NPAS2: variants seen among roughly 807,000 people sequenced by gnomAD.
NPAS2 encodes the protein neuronal PAS domain-containing protein 2.
A neutral mutation model predicts 107.5 loss-of-function variants in NPAS2; 23 were observed. The ratio of observed to expected loss-of-function variants is 0.21; its 90% confidence interval spans 0.15 to 0.30. NPAS2 has a LOEUF of 0.30. Among genes scored for constraint, NPAS2 ranks in the 10% least tolerant of loss-of-function variants. The probability of loss-of-function intolerance (pLI) is 1.00; values close to 1 mark genes in which losing one functional copy is unlikely to be tolerated. For missense variants in NPAS2, 756 were observed against 1,043.3 expected (o/e 0.72, Z 3.79); for synonymous variants, 403 against 417.5 (o/e 0.97, Z 0.42).
At chr2:100,990,470 G>A (rs750874302) in intron 18 of NPAS2, 24 bp downstream of exon 18, 2 of 1,610,836 alleles carry the variant, frequency 1.2e-6, no homozygotes, top group South Asian at 2.2e-5. Context: ...CTTGTTTAAA[G>A]GATAACCCAG....
At chr2:100,983,096 T>C (rs1278353427) in intron 16 of NPAS2, 2 of 152,280 alleles carry the variant, frequency 1.3e-5, no homozygotes, top group African/African-American at 4.8e-5. Context: ...TGCCTGATTC[T>C]GACCCAGCCT....
intron 1 of NPAS2, among the ~76,000 whole-genome samples, chr2:100,868,664 G>T (rs1679387520): frequency 6.6e-6 from 1 of 152,078 alleles, no homozygotes; most frequent in Non-Finnish European, 1.5e-5. Context: ...TATATTTTCT[G>T]TCTTTTGTCT....
chr2:100,964,790 C>T (rs1439033662), intron 8 of NPAS2, 71 bp from the exon 9 acceptor site: 2 of 893,460 alleles, frequency 2.2e-6, no homozygotes, highest in Non-Finnish European at 3.5e-6. Flanking sequence ...ACCACGCGTT[C>T]CTCTTGAACA....
intron 1 of NPAS2, among the ~76,000 whole-genome samples, chr2:100,869,463 C>G (rs182775374): frequency 6.6e-6 from 1 of 152,318 alleles, no homozygotes; most frequent in Admixed American, 6.5e-5. Flanking sequence ...TGTTCTGCTA[C>G]ACACCTGCAG....
At chr2:100,874,920 G>A (rs770471110) in intron 1 of NPAS2, among the ~76,000 whole-genome samples, 3 of 152,134 alleles carry the variant, frequency 2.0e-5, no homozygotes, top group Non-Finnish European at 2.9e-5. Context: ...CCAAGGAGAC[G>A]GATGGGCCCC....
intron 1 of NPAS2, among the ~76,000 whole-genome samples, chr2:100,856,094 C>T (rs1558812294): frequency 1.3e-5 from 2 of 152,144 alleles, no homozygotes. Flanking sequence ...AATTAAGGAG[C>T]TTTGTCTAAA....
intron 7 of NPAS2, among the ~76,000 whole-genome samples, chr2:100,955,032 G>A (rs1052686826): frequency 2.0e-5 from 3 of 152,010 alleles, no homozygotes; most frequent in South Asian, 2.1e-4. Flanking sequence ...CATGTGCCGC[G>A]ATGCCTGGCT....
chr2:100,912,720 G>A (rs1384626975), intron 2 of NPAS2, among the ~76,000 whole-genome samples: 3 of 152,232 alleles, frequency 2.0e-5, no homozygotes, highest in East Asian at 1.9e-4. Context: ...TGCATTCAAG[G>A]GCGAATGTCA....
intron 1 of NPAS2, among the ~76,000 whole-genome samples, chr2:100,886,356 A>G (rs1047463255): frequency 4.6e-5 from 7 of 152,258 alleles, no homozygotes; most frequent in Non-Finnish European, 8.8e-5. Flanking sequence ...TGCACATAAA[A>G]GGACTTGCTC....
At position 100,990,256 on chromosome 2, in the gene NPAS2, G is replaced by A. The variant is rs1273793102; in HGVS notation, c.1828G>A (p.Gly610Ser). ...CTTTCTCATTGAAATGATGCTCCAG[G>A]GTCCAAAGCCAATGAGAAGCTCACA... ...LRESSVISTQ[G>S]PKPMRSSQLM... The change falls in exon 18 of 21, where the codon GGT (glycine) becomes AGT (serine). Residue 610 changes from glycine (G) to serine (S), a missense_variant and splice_region_variant. By Grantham distance (56) the Gly-to-Ser change is moderately conservative. Transcript: ENST00000335681. 2 of 1,613,662 alleles carry A rather than the reference G, an allele frequency of 1.2e-6. No homozygotes were observed. The highest frequency in any genetic ancestry group is 3.3e-5 in the Admixed American group (2 of 60,008).
chr2:100,932,780 C>T, intron 3 of NPAS2, 130 bp from the exon 4 acceptor site: 1 of 656,438 alleles, frequency 1.5e-6, no homozygotes, highest in Non-Finnish European at 2.7e-6. Context: ...ATATTTCCTT[C>T]TGCTGGCTTC....
intron 1 of NPAS2, among the ~76,000 whole-genome samples, chr2:100,876,573 A>G (rs1004282008): frequency 5.3e-5 from 8 of 152,220 alleles, no homozygotes; most frequent in South Asian, 2.1e-4. Context: ...TTTGGAGACT[A>G]TAGCCTTAAA....
chr2:100,906,354 A>C (rs1225757142), intron 2 of NPAS2, among the ~76,000 whole-genome samples: 1 of 152,192 alleles, frequency 6.6e-6, no homozygotes, highest in Non-Finnish European at 1.5e-5. Flanking sequence ...GGAGCGCTGG[A>C]GACAGATGTG....
At chr2:100,912,650 C>A (rs1682631132) in intron 2 of NPAS2, among the ~76,000 whole-genome samples, 1 of 152,210 alleles carries the variant, frequency 6.6e-6, no homozygotes, top group Non-Finnish European at 1.5e-5. Context: ...GGCTTTCAAC[C>A]AGCATGTCCA....
intron 7 of NPAS2, among the ~76,000 whole-genome samples, chr2:100,960,089 A>T (rs556717505): frequency 1.1e-4 from 17 of 152,286 alleles, no homozygotes; most frequent in Middle Eastern, 3.4e-3. Context: ...CTTGGAAGCC[A>T]ACCTTGGGTG....
intron 2 of NPAS2, among the ~76,000 whole-genome samples, chr2:100,915,018 G>A (rs547572083): frequency 6.6e-6 from 1 of 152,322 alleles, no homozygotes; most frequent in South Asian, 2.1e-4. Flanking sequence ...AGGAGCTCTA[G>A]TACTGGCTTA....
At chr2:100,858,102 G>T (rs527982040) in intron 1 of NPAS2, among the ~76,000 whole-genome samples, 2 of 152,316 alleles carry the variant, frequency 1.3e-5, no homozygotes, top group South Asian at 4.1e-4. Flanking sequence ...AAAGAGGCCA[G>T]GGGTTAAGTC....
intron 1 of NPAS2, among the ~76,000 whole-genome samples, chr2:100,827,328 A>G (rs1208260346): frequency 6.6e-6 from 1 of 152,246 alleles, no homozygotes; most frequent in African/African-American, 2.4e-5. Context: ...GTAGTTACGT[A>G]AACACTTCGT....
At chr2:100,852,167 C>G (rs564316554) in intron 1 of NPAS2, among the ~76,000 whole-genome samples, 1 of 152,022 alleles carries the variant, frequency 6.6e-6, no homozygotes, top group African/African-American at 2.4e-5. Context: ...GAGGTCAAGG[C>G]GGGCGGATCA....
Sources: gnomAD v4.1 joint callset for allele counts (sites outside exome capture counted in the v4.1 genomes callset) on GRCh38, gnomAD v4.1.1 for gene constraint, MANE v1.5 for transcripts, NCBI Gene and HGNC (gene_info 2026-07-23, HGNC 2026-07-21) for gene names.